The following CNTNAP5 variants were observed in gnomAD, a reference collection of about 807,000 sequenced individuals.
The protein encoded by CNTNAP5 is contactin associated protein family member 5, also known as contactin-associated protein-like 5.
CNTNAP5 carries 72 observed loss-of-function variants against 150.2 expected under a neutral mutation model. The observed-to-expected ratio is 0.48, with a 90% CI of 0.40 to 0.58. The LOEUF is 0.58. Ranked by LOEUF, CNTNAP5 falls within the 20% of genes least tolerant of loss-of-function variation. The probability of loss-of-function intolerance (pLI) is 0.00; values close to 1 mark genes in which losing one functional copy is unlikely to be tolerated. For synonymous variants in CNTNAP5, 672 were observed against 619.8 expected, an observed-to-expected ratio of 1.08 and a Z score of -1.25; for missense variants, 1,636 against 1,626.2, an observed-to-expected ratio of 1.01 and a Z score of -0.10.
intron 13 of CNTNAP5, among the ~76,000 whole-genome samples, chr2:124,743,453 T>C (rs1680540712): frequency 6.6e-6 from 1 of 152,152 alleles, no homozygotes; most frequent in Non-Finnish European, 1.5e-5. Flanking sequence ...GATGCTCTGA[T>C]GGGAAGATAG....
At chr2:124,800,735 A>G (rs62171349) in intron 19 of CNTNAP5, among the ~76,000 whole-genome samples, 13,384 of 152,220 alleles carry the variant, frequency 0.088, 1,069 homozygotes, top group African/African-American at 0.21. Context: ...AGGCATCTGC[A>G]TGTTTTAAAG....
rs564481632 is a variant in CNTNAP5, at chr2:124,715,488, AC to A, written c.2078-31739del. ...ACCATGTTCCCACTGAGGCTGGAAT[AC>A]CAAAGAAAAAAGGAGGGTGGAATTT... On this transcript the variant is annotated intron_variant, in intron 13 of 23. Coordinates refer to ENST00000682447, the MANE Select transcript of CNTNAP5 (RefSeq NM_001367498.1). Among the ~76,000 whole-genome samples, 456 of 152,258 alleles carry A rather than the reference AC, an allele frequency of 3.0e-3. 1 individual carries two copies. The highest frequency in any genetic ancestry group is 0.011 in the African/African-American group (441 of 41,550).
At chr2:124,186,906 G>A (rs1685346745) in intron 1 of CNTNAP5, among the ~76,000 whole-genome samples, 1 of 152,182 alleles carries the variant, frequency 6.6e-6, no homozygotes, top group Non-Finnish European at 1.5e-5. Flanking sequence ...AGTGTGTTGA[G>A]TGCTCCTGGG....
chr2:124,588,495 G>A (rs1035048135), intron 11 of CNTNAP5, among the ~76,000 whole-genome samples: 1 of 151,920 alleles, frequency 6.6e-6, no homozygotes, highest in Non-Finnish European at 1.5e-5. Flanking sequence ...CCACTGAGAA[G>A]GTTCAAGCCT....
rs752935793 is a variant in CNTNAP5 at position 124,647,959 on chromosome 2, G to A, written c.2077+1G>A. On this transcript the variant is annotated splice_donor_variant, in intron 13 of 23. Transcript: ENST00000682447. LOFTEE classifies it high-confidence loss of function. ...AGGTCCCGCCTGCTCAACACGCCGG[G>A]TAAGGCCTCTGCATGCATGACCACA... 6.3e-7 allele frequency: 1 copy of A among 1,592,596 alleles called. No individual in the cohort carries two copies. The highest frequency in any genetic ancestry group is 8.5e-7 in the Non-Finnish European group (1 of 1,169,926).
At chr2:124,353,067 G>C (rs780147683) in intron 3 of CNTNAP5, among the ~76,000 whole-genome samples, 1 of 152,066 alleles carries the variant, frequency 6.6e-6, no homozygotes, top group African/African-American at 2.4e-5. Flanking sequence ...CACATTGAGC[G>C]AGGTCTCCAG....
chr2:124,063,801 A>G (rs182409154), intron 1 of CNTNAP5, among the ~76,000 whole-genome samples: 2 of 152,252 alleles, frequency 1.3e-5, no homozygotes, highest in Non-Finnish European at 2.9e-5. Context: ...AAAGTAGTGG[A>G]ATAAAGGTGG....
intron 1 of CNTNAP5, among the ~76,000 whole-genome samples, chr2:124,065,361 C>G (rs1199660168): frequency 6.6e-6 from 1 of 152,086 alleles, no homozygotes; most frequent in East Asian, 1.9e-4. Flanking sequence ...GACCTTGAGC[C>G]ATTCAGCTAA....
rs1025561352 is a variant in CNTNAP5, at chr2:124,345,545, C to T, written c.382-71898C>T. 7.2e-5 allele frequency among the ~76,000 whole-genome samples: 11 copies of T among 152,196 alleles called. No homozygotes were observed. The South Asian group carries it at 1.0e-3, about 14-fold the overall frequency. Reference sequence around the variant, plus strand: ...TGGAAAGAAGTGCTTATGAAAATCTCAGCTTTCATAAATAAAATAATGTTG... The same window carrying T: ...TGGAAAGAAGTGCTTATGAAAATCTTAGCTTTCATAAATAAAATAATGTTG... On this transcript the variant is annotated intron_variant, in intron 3 of 23. Transcript: ENST00000682447.
At chr2:124,029,695 A>G (rs1173853105) in intron 1 of CNTNAP5, among the ~76,000 whole-genome samples, 1 of 151,734 alleles carries the variant, frequency 6.6e-6, no homozygotes. Context: ...TGCTTTCTTT[A>G]CTGGATCTCG....
intron 3 of CNTNAP5, among the ~76,000 whole-genome samples, chr2:124,395,446 T>C (rs533601501): frequency 1.3e-5 from 2 of 152,254 alleles, no homozygotes; most frequent in African/African-American, 2.4e-5. Context: ...AAAAGACTGA[T>C]GTGAAAACAT....
At chr2:124,400,680 T>TTGTTTG (rs1691393426) in intron 3 of CNTNAP5, among the ~76,000 whole-genome samples, 1 of 106,262 alleles carries the variant, frequency 9.4e-6, no homozygotes, top group African/African-American at 2.8e-5. Context: ...TTTTTTTTTT[T>TTGTTTG]TTTTTTTTGT....
rs1553454759 is a variant in CNTNAP5 at position 124,909,826 on chromosome 2, C to CACAT, written c.3656-1640_3656-1639insCATA. ...TCACCCCATCGTTATCAATTGGTGA[C>CACAT]ATATATATATATATATATATATATA... is the stretch of plus-strand genomic sequence containing the variant. On this transcript the variant is annotated intron_variant, in intron 22 of 23. Coordinates refer to ENST00000682447, the MANE Select transcript of CNTNAP5 (RefSeq NM_001367498.1). 5.4e-5 allele frequency among the ~76,000 whole-genome samples: 4 copies of CACAT among 74,614 alleles called. No individual in the cohort carries two copies. In the Admixed American group the frequency reaches 6.3e-4, roughly 12 times the overall value. The allele number at this position is 74,614 out of a possible 152,430, so 48.9% of individuals were successfully genotyped here.
At chr2:124,654,476 A>G (rs926420232) in intron 13 of CNTNAP5, among the ~76,000 whole-genome samples, 1 of 152,134 alleles carries the variant, frequency 6.6e-6, no homozygotes, top group Non-Finnish European at 1.5e-5. Context: ...CTGTAACCTC[A>G]CATTCTAATT....
At chr2:124,569,965 G>A (rs998317520) in intron 11 of CNTNAP5, among the ~76,000 whole-genome samples, 2 of 152,140 alleles carry the variant, frequency 1.3e-5, no homozygotes, top group South Asian at 2.1e-4. Context: ...GAGAAAACAT[G>A]CCTTACTCAC....
Position 124,382,619 on chromosome 2 carries a change from T to A in CNTNAP5, c.382-34824T>A, listed in dbSNP as rs897059753. Among the ~76,000 whole-genome samples, 15 of 152,312 alleles carry A rather than the reference T, an allele frequency of 9.8e-5. 1 individual carries two copies. Among genetic ancestry groups the A allele is most frequent in the Admixed American group, 4.6e-4 (7 of 15,294 alleles). ...CTATGAGATGTTGGGTACCTTCATATACACTCTCCAATTTATTCTGTAAAA... is the reference window on the plus strand; with the variant it reads ...CTATGAGATGTTGGGTACCTTCATAAACACTCTCCAATTTATTCTGTAAAA... On this transcript the variant is annotated intron_variant, in intron 3 of 23. Coordinates refer to ENST00000682447, the MANE Select transcript of CNTNAP5 (RefSeq NM_001367498.1).
At chr2:124,057,139 T>G (rs1200043233) in intron 1 of CNTNAP5, among the ~76,000 whole-genome samples, 1 of 152,158 alleles carries the variant, frequency 6.6e-6, no homozygotes, top group East Asian at 1.9e-4. Context: ...ATGCCCGTTT[T>G]GGGCTCAGTT....
chr2:124,256,130 G>A (rs989973209), intron 3 of CNTNAP5, among the ~76,000 whole-genome samples: 2 of 152,020 alleles, frequency 1.3e-5, no homozygotes, highest in African/African-American at 4.8e-5. Flanking sequence ...ATGGTACATT[G>A]CTTACATCTG....
At chr2:124,546,654 G>A (rs1695518268) in intron 10 of CNTNAP5, among the ~76,000 whole-genome samples, 1 of 152,164 alleles carries the variant, frequency 6.6e-6, no homozygotes, top group Non-Finnish European at 1.5e-5. Flanking sequence ...CCATTAAAGA[G>A]AACTCAGGAG....
Sources: gnomAD v4.1 joint callset for allele counts (sites outside exome capture counted in the v4.1 genomes callset) on GRCh38, gnomAD v4.1.1 for gene constraint, MANE v1.5 for transcripts, NCBI Gene and HGNC (gene_info 2026-07-23, HGNC 2026-07-21) for gene names.